ZBTB38: variants seen among roughly 807,000 people sequenced by gnomAD.
The protein encoded by ZBTB38 is zinc finger and BTB domain-containing protein 38.
Under a neutral mutation model 76.8 loss-of-function variants are expected in ZBTB38, and 20 were observed. The observed-to-expected ratio is 0.26, with a 90% CI of 0.18 to 0.38. ZBTB38 has a LOEUF of 0.38. ZBTB38 is among the 10% of genes least tolerant of loss of function. The pLI is 1.00. For synonymous variants in ZBTB38, 504 were observed against 544.2 expected, an observed-to-expected ratio of 0.93 and a Z score of 1.03; for missense variants, 1,082 against 1,482.3, an observed-to-expected ratio of 0.73 and a Z score of 4.43.
chr3:141,434,199 T>G, intron 5 of ZBTB38: 1 of 985,374 alleles, frequency 1.0e-6, no homozygotes, highest in Non-Finnish European at 1.2e-6. Flanking sequence ...AACAAGGCTA[T>G]GCAGATAAGA....
intron 1 of ZBTB38, among the ~76,000 whole-genome samples, chr3:141,328,971 A>G (rs1942760233): frequency 6.6e-6 from 1 of 152,134 alleles, no homozygotes; most frequent in African/African-American, 2.4e-5. Context: ...GAGTGCTCCC[A>G]TAGGTGCTCC....
intron 1 of ZBTB38, among the ~76,000 whole-genome samples, chr3:141,340,669 A>G (rs76438269): frequency 0.19 from 29,317 of 151,892 alleles, 5,384 homozygotes; most frequent in African/African-American, 0.48. Context: ...AGGCCGAGGC[A>G]GGCGGATCAC....
At position 141,399,987 on chromosome 3, in the gene ZBTB38, CTTTTT is replaced by C. The variant is rs557587979; in HGVS notation, c.-105-3922_-105-3918del. On this transcript the variant is annotated intron_variant, in intron 4 of 5. Transcript: ENST00000321464. ...AGAGGAGATAATCTTGAAAGTCTTG[CTTTTT>C]TTTTTTTTTTTTTTTTTGCAAATGT... Among the ~76,000 whole-genome samples, 236 of 80,462 alleles carry C rather than the reference CTTTTT, an allele frequency of 2.9e-3. 5 individuals carry two copies. In the East Asian group the frequency reaches 0.072, roughly 25 times the overall value. 52.8% of individuals were successfully genotyped at this position (80,462 alleles called of 152,430 possible). A position where few individuals can be genotyped will look rare whatever the true frequency, so the allele number is the denominator to read the frequency against.
rs1294611609 is a variant in ZBTB38, at chr3:141,439,090, T to C, written c.1-3299T>C. On this transcript the variant is annotated intron_variant, in intron 5 of 5. Coordinates refer to ENST00000321464, the MANE Select transcript of ZBTB38 (RefSeq NM_001376113.1). ...AATAATTGTACTTACTCTTCTAACA[T>C]TTTATACTTATCTCCAGTATATGGC... Among the ~76,000 whole-genome samples the C allele has an allele frequency of 5.9e-5, 9 of 152,144 alleles. No individual in the cohort carries two copies. In the East Asian group the frequency reaches 1.3e-3, roughly 23 times the overall value.
Position 141,443,087 on chromosome 3 carries a change from A to T in ZBTB38, c.699A>T (p.Arg233Ser). The T allele has an allele frequency of 6.2e-7, 1 of 1,614,220 alleles. No individual in the cohort carries two copies. Among genetic ancestry groups the T allele is most frequent in the East Asian group, 2.2e-5 (1 of 44,880 alleles). ...TTTCTTCCGTAGCTGAAGCTTACAG[A>T]AGTCAGCCTGTACGTGAACATGATG... ...YAVSSVAEAYRSQPVREHDGS... is the reference protein window; with the variant it reads ...YAVSSVAEAYSSQPVREHDGS... Residue 233 changes from arginine (R) to serine (S), a missense_variant, in exon 6 of 6, where the codon AGA becomes AGT. By Grantham distance (110) the Arg-to-Ser change is moderately radical. Coordinates refer to ENST00000321464, the MANE Select transcript of ZBTB38 (RefSeq NM_001376113.1). This position sits in a 1 kb window ranked among gnomAD's most constrained non-coding sequence, Gnocchi z 5.6.
At chr3:141,340,770 A>G (rs1943149400) in intron 1 of ZBTB38, among the ~76,000 whole-genome samples, 1 of 151,382 alleles carries the variant, frequency 6.6e-6, no homozygotes, top group African/African-American at 2.4e-5. Flanking sequence ...GGTGGCGGGC[A>G]CCTGTGGTCC....
At chr3:141,374,213 A>AT (rs1186357721) in intron 2 of ZBTB38, among the ~76,000 whole-genome samples, 1 of 152,012 alleles carries the variant, frequency 6.6e-6, no homozygotes, top group Admixed American at 6.5e-5. Flanking sequence ...TATTTTAAAG[A>AT]TTTTTTTGTC....
chr3:141,443,036 C>T lies in ZBTB38; in HGVS notation c.648C>T (p.Arg216=). The T allele has an allele frequency of 6.2e-7, 1 of 1,614,256 alleles. No individual in the cohort carries two copies. Residue 216 remains arginine, a synonymous_variant, in exon 6 of 6, where the codon CGC becomes CGT. Transcript: ENST00000321464. The surrounding 1 kb of genome is among the most constrained non-coding windows in gnomAD (Gnocchi z 5.6). ...TCTGCCACGAGGCAGAGCCTGTCCG[C>T]ACACTTGCCGAGCACTCATACGCTG... ...TDVCHEAEPV[R]TLAEHSYAVS... is the part of the protein sequence containing the mutation.
intron 5 of ZBTB38, among the ~76,000 whole-genome samples, chr3:141,428,982 T>G (rs2076916620): frequency 6.6e-6 from 1 of 152,236 alleles, no homozygotes; most frequent in South Asian, 2.1e-4. Context: ...TATATCTTTT[T>G]ATAGTATAGA....
chr3:141,324,808 A>G (rs1942624288), intron 1 of ZBTB38, among the ~76,000 whole-genome samples: 1 of 152,204 alleles, frequency 6.6e-6, no homozygotes, highest in Admixed American at 6.5e-5. Context: ...CTTGTTTTCA[A>G]AGTAATTGGG....
At chr3:141,386,515 C>A (rs1252614702) in intron 3 of ZBTB38, 2 of 152,156 alleles carry the variant, frequency 1.3e-5, no homozygotes, top group Non-Finnish European at 2.9e-5. Flanking sequence ...AAATGCTATA[C>A]CCTTTATCAA....
Position 141,442,488 on chromosome 3 carries a change from G to A in ZBTB38, c.100G>A (p.Asp34Asn), listed in dbSNP as rs1200516630. The A allele has an allele frequency of 1.2e-6, 2 of 1,614,046 alleles. No homozygotes were observed. The highest frequency in any genetic ancestry group is 1.7e-6 in the Non-Finnish European group (2 of 1,180,044). ...NEQRIRGILC[D>N]VTIIVEDTKF... ...GCAGCGCATTCGGGGCATTTTATGC[G>A]ATGTCACTATCATTGTGGAAGATAC... The change falls in exon 6 of 6, where the codon GAT (aspartate) becomes AAT (asparagine). Residue 34 changes from aspartate to asparagine, a missense_variant. Physicochemically the swap from Asp to Asn is conservative, Grantham distance 23. Coordinates refer to ENST00000321464, the MANE Select transcript of ZBTB38 (RefSeq NM_001376113.1). The surrounding 1 kb of genome is among the most constrained non-coding windows in gnomAD (Gnocchi z 6.4).
intron 5 of ZBTB38, among the ~76,000 whole-genome samples, chr3:141,418,658 C>A (rs1243896616): frequency 6.6e-6 from 1 of 152,228 alleles, no homozygotes. Context: ...TATACCTCAT[C>A]AGATACTTGT....
intron 1 of ZBTB38, among the ~76,000 whole-genome samples, chr3:141,341,303 G>A (rs1943191488): frequency 6.6e-6 from 1 of 152,092 alleles, no homozygotes; most frequent in Non-Finnish European, 1.5e-5. Context: ...CCACTCCTAG[G>A]TATATACCCA....
intron 2 of ZBTB38, among the ~76,000 whole-genome samples, chr3:141,380,004 A>G (rs1945959471): frequency 6.6e-6 from 1 of 152,216 alleles, no homozygotes; most frequent in African/African-American, 2.4e-5. Flanking sequence ...AATTCAATTA[A>G]CCTATAACTA....
At chr3:141,337,987 A>G (rs1943064241) in intron 1 of ZBTB38, among the ~76,000 whole-genome samples, 1 of 152,222 alleles carries the variant, frequency 6.6e-6, no homozygotes, top group Non-Finnish European at 1.5e-5. Flanking sequence ...GGTACCCAGC[A>G]CTAAGAATAC....
intron 1 of ZBTB38, among the ~76,000 whole-genome samples, chr3:141,345,194 T>C (rs1027399529): frequency 1.3e-5 from 2 of 152,054 alleles, no homozygotes; most frequent in African/African-American, 4.8e-5. Context: ...CCACTCCAGA[T>C]AGATGTATGG....
At chr3:141,364,676 T>TAAAAAAA (rs59398877), upstream of ZBTB38, among the ~76,000 whole-genome samples, 39 of 43,430 alleles carry the variant, frequency 9.0e-4, 1 homozygote, top group South Asian at 4.0e-3. Context: ...AAACTACATC[T>TAAAAAAA]AAAAAAAAAA....
At chr3:141,365,843 T>C (rs764032888), upstream of ZBTB38, among the ~76,000 whole-genome samples, 2 of 152,206 alleles carry the variant, frequency 1.3e-5, no homozygotes, top group Non-Finnish European at 2.9e-5. Flanking sequence ...TAAAACCCAT[T>C]GAATTGTACA....
Sources: allele counts gnomAD v4.1 joint callset (sites outside exome capture counted in the v4.1 genomes callset), GRCh38; gene constraint gnomAD v4.1.1; non-coding constraint Gnocchi (gnomAD v3.1); transcripts MANE v1.5; gene names NCBI Gene and HGNC (gene_info 2026-07-23, HGNC 2026-07-21).